The following RASGRF1 variants were observed in gnomAD, a reference collection of about 807,000 sequenced individuals.
RASGRF1 encodes the protein Ras protein specific guanine nucleotide releasing factor 1, also known as ras-specific guanine nucleotide-releasing factor 1.
In RASGRF1, 40 loss-of-function variants were observed where a neutral mutation model predicts 138.7. The ratio of observed to expected loss-of-function variants is 0.29; its 90% CI spans 0.22 to 0.38. The LOEUF is 0.38. Among genes scored for constraint, RASGRF1 ranks in the 10% least tolerant of loss-of-function variants. RASGRF1 has a pLI of 1.00. For synonymous variants in RASGRF1, 614 were observed against 663.2 expected, an observed-to-expected ratio of 0.93 and a Z score of 1.14; for missense variants, 1,108 against 1,650.4, an observed-to-expected ratio of 0.67 and a Z score of 5.69.
intron 13 of RASGRF1, among the ~76,000 whole-genome samples, chr15:79,011,585 G>T (rs1333432922): frequency 6.6e-6 from 1 of 152,198 alleles, no homozygotes; most frequent in Admixed American, 6.5e-5. Flanking sequence ...TTCTCCAGGT[G>T]AACTGACGGC....
chr15:79,023,887 TC>T (rs1358891987), intron 10 of RASGRF1, among the ~76,000 whole-genome samples: 1 of 151,876 alleles, frequency 6.6e-6, no homozygotes, highest in African/African-American at 2.4e-5. Flanking sequence ...GTGGAGGCCC[TC>T]TACCCTGCCC....
chr15:79,053,755 C>T (rs896820853), intron 3 of RASGRF1, among the ~76,000 whole-genome samples: 5 of 152,354 alleles, frequency 3.3e-5, no homozygotes, highest in South Asian at 2.1e-4. Context: ...GGAGAAGAGA[C>T]GGGCTGGCTT....
chr15:78,991,840 G>T (rs760169497), intron 20 of RASGRF1, 46 bp from the exon 21 acceptor site: 39 of 1,490,668 alleles, frequency 2.6e-5, no homozygotes, highest in Admixed American at 8.5e-5. Flanking sequence ...GGCCCATGAC[G>T]GACACCTCCT....
At chr15:79,015,216 C>T in intron 13 of RASGRF1, 111 bp downstream of exon 13, 2 of 1,039,904 alleles carry the variant, frequency 1.9e-6, no homozygotes, top group Admixed American at 4.0e-5. Flanking sequence ...AAAGACAAAG[C>T]CCAGCATCTC....
intron 21 of RASGRF1, among the ~76,000 whole-genome samples, chr15:78,991,438 C>A (rs1040849238): frequency 9.2e-5 from 14 of 152,224 alleles, no homozygotes; most frequent in Middle Eastern, 3.2e-3. Flanking sequence ...TTTCTAGATA[C>A]TCTCTTTCTA....
At chr15:78,970,322 A>G (rs1399609048) in intron 26 of RASGRF1, among the ~76,000 whole-genome samples, 2 of 152,180 alleles carry the variant, frequency 1.3e-5, no homozygotes, top group African/African-American at 2.4e-5. Context: ...GGAGTCTGAG[A>G]CCAGCCTGAC....
chr15:78,963,385 T>A (rs1318928200), intron 26 of RASGRF1, among the ~76,000 whole-genome samples: 1 of 151,888 alleles, frequency 6.6e-6, no homozygotes, highest in Non-Finnish European at 1.5e-5. Context: ...CACTGCAACC[T>A]CTGCCTCCCG....
At chr15:79,036,635 C>T (rs1363668055) in intron 5 of RASGRF1, among the ~76,000 whole-genome samples, 1 of 152,032 alleles carries the variant, frequency 6.6e-6, no homozygotes. Flanking sequence ...GCACAGGGGC[C>T]AGTTGATGGA....
chr15:78,998,348 C>A, intron 18 of RASGRF1, 140 bp from the exon 19 acceptor site: 1 of 734,036 alleles, frequency 1.4e-6, no homozygotes. Flanking sequence ...TTTCTGTTGG[C>A]TTCCTGGCAG....
chr15:79,025,823 C>T lies in RASGRF1; in HGVS notation c.1382-349G>A, dbSNP rs550371784. ...AGCTGAACAAGTGGGGAGCTGGCTG[C>T]AGGCCCCGAGGGGTTAACAAGATAC... is the stretch of plus-strand genomic sequence containing the variant. On this transcript the variant is annotated intron_variant, in intron 9 of 26. Coordinates refer to ENST00000558480, the MANE Select transcript of RASGRF1 (RefSeq NM_001145648.3). 2.1e-3 allele frequency among the ~76,000 whole-genome samples: 318 copies of T among 152,036 alleles called. 3 individuals carry two copies. The highest frequency in any genetic ancestry group is 7.2e-3 in the African/African-American group (300 of 41,420).
intron 26 of RASGRF1, among the ~76,000 whole-genome samples, chr15:78,968,260 G>GTGTGTC (rs72416170): frequency 2.0e-5 from 3 of 151,012 alleles, no homozygotes; most frequent in African/African-American, 7.3e-5. Context: ...ATGTGTGTGT[G>GTGTGTC]TGTGTGTGTG....
chr15:79,013,226 C>T (rs1435392578), intron 13 of RASGRF1, among the ~76,000 whole-genome samples: 1 of 151,970 alleles, frequency 6.6e-6, no homozygotes, highest in Non-Finnish European at 1.5e-5. Flanking sequence ...ACATACAAAG[C>T]TGGGGCTGGG....
intron 1 of RASGRF1, among the ~76,000 whole-genome samples, chr15:79,089,296 T>C (rs759746490): frequency 6.6e-6 from 1 of 152,230 alleles, no homozygotes; most frequent in Non-Finnish European, 1.5e-5. Flanking sequence ...ATCTTCCTAG[T>C]GGCAAGGGAC....
Position 79,027,622 on chromosome 15 carries a change from A to G in RASGRF1, c.1381+119T>C. 2.5e-6 allele frequency: 2 copies of G among 804,736 alleles called. No homozygotes were observed. Among genetic ancestry groups the G allele is most frequent in the Non-Finnish European group, 2.1e-6 (1 of 483,796 alleles). The allele number at this position is 804,736 out of a possible 1,614,324, so 49.8% of individuals were successfully genotyped here. On this transcript the variant is annotated intron_variant, in intron 9 of 26. Transcript: ENST00000558480. This position sits in a 1 kb window ranked among gnomAD's most constrained non-coding sequence, Gnocchi z 4.8. ...CAGCCTGGGAATATTCTGCAATCAC[A>G]TTGGCAGGTCTTGGCATGTGGCAGC...
chr15:79,087,452 G>A (rs1171825978), intron 1 of RASGRF1, among the ~76,000 whole-genome samples: 2 of 152,362 alleles, frequency 1.3e-5, no homozygotes, highest in African/African-American at 4.8e-5. Flanking sequence ...GGAGGAAGCT[G>A]TCTGCTTGGA....
intron 13 of RASGRF1, among the ~76,000 whole-genome samples, chr15:79,013,770 G>A (rs1019118240): frequency 2.0e-5 from 3 of 152,312 alleles, no homozygotes; most frequent in African/African-American, 7.2e-5. Context: ...AGAGAATTGT[G>A]CCTGGTGCAG....
intron 1 of RASGRF1, among the ~76,000 whole-genome samples, 163 bp downstream of exon 1, chr15:79,090,060 C>T (rs1310158309): frequency 1.3e-5 from 2 of 152,210 alleles, no homozygotes; most frequent in Admixed American, 1.3e-4. Context: ...CAGTCACTCG[C>T]CTGGCTGGGA....
At chr15:78,998,934 G>A in intron 17 of RASGRF1, 109 bp from the exon 18 acceptor site, 1 of 785,378 alleles carries the variant, frequency 1.3e-6, no homozygotes, top group South Asian at 1.4e-5. Flanking sequence ...GGTGAGTGAG[G>A]GGGTCATGGG....
At chr15:79,059,057 T>C (rs1188323473) in intron 2 of RASGRF1, among the ~76,000 whole-genome samples, 1 of 152,144 alleles carries the variant, frequency 6.6e-6, no homozygotes, top group East Asian at 1.9e-4. Flanking sequence ...TGCAGGCTGC[T>C]CTGCTAACCT....
Sources: gnomAD v4.1 joint callset for allele counts (sites outside exome capture counted in the v4.1 genomes callset) on GRCh38, gnomAD v4.1.1 for gene constraint, Gnocchi (gnomAD v3.1) non-coding constraint, MANE v1.5 for transcripts, NCBI Gene and HGNC (gene_info 2026-07-23, HGNC 2026-07-21) for gene names.